CAPN11: variants seen among roughly 807,000 people sequenced by gnomAD.
CAPN11 encodes the protein calpain 11.
Under a neutral mutation model 105.3 loss-of-function variants are expected in CAPN11, and 108 were observed. The ratio of observed to expected loss-of-function variants is 1.03; its 90% CI spans 0.88 to 1.20. The LOEUF is 1.20. Among genes scored for constraint, CAPN11 ranks in the 50% most tolerant of loss-of-function variants. The pLI is 0.00. For missense variants in CAPN11, 883 were observed against 924.8 expected (o/e 0.95, Z 0.59); for synonymous variants, 329 against 344.5 (o/e 0.96, Z 0.50).
chr6:44,176,853 T>C lies in CAPN11; in HGVS notation c.1092T>C (p.Asp364=), dbSNP rs376140722. Residue 364 remains aspartate, a synonymous_variant, in exon 11 of 23, where the codon GAT becomes GAC. Coordinates refer to ENST00000398776, the MANE Select transcript of CAPN11 (RefSeq NM_007058.4). Reference sequence around the variant, plus strand: ...CCCACCACAGGATGTCCTACCAAGATTTCCTGAACAACTTCACGCTCCTGG... The same window carrying C: ...CCCACCACAGGATGTCCTACCAAGACTTCCTGAACAACTTCACGCTCCTGG... The part of the protein sequence containing the change: ...EDGEFWMSYQ[D]FLNNFTLLEI... 4.3e-6 allele frequency: 7 copies of C among 1,613,698 alleles called. No homozygotes were observed. The highest frequency in any genetic ancestry group is 1.3e-5 in the African/African-American group (1 of 74,874).
rs1190973925 is a variant in CAPN11 at position 44,170,809 on chromosome 6, C to T, written c.409+834C>T. On this transcript the variant is annotated intron_variant, in intron 4 of 22. Coordinates refer to ENST00000398776, the MANE Select transcript of CAPN11 (RefSeq NM_007058.4). ...GGAGGGCAACGGGGTCTACTCAGCC[C>T]ACTCTCACAGGGCTCCCATAGAAAG... is the stretch of plus-strand genomic sequence containing the variant. Among the ~76,000 whole-genome samples the T allele has an allele frequency of 3.9e-5, 6 of 152,258 alleles. No individual in the cohort carries two copies. In the East Asian group the frequency reaches 1.2e-3, roughly 29 times the overall value.
Position 44,176,916 on chromosome 6 carries a change from CT to C in CAPN11, c.1156del (p.Tyr386ThrfsTer63). The C allele has an allele frequency of 6.2e-7, 1 of 1,613,954 alleles. No individual in the cohort carries two copies. Among genetic ancestry groups the C allele is most frequent in the Non-Finnish European group, 8.5e-7 (1 of 1,179,884 alleles). On this transcript the variant is annotated frameshift_variant, in exon 11 of 23. Transcript: ENST00000398776. LOFTEE classifies it high-confidence loss of function. ...NLTPDTLSGD[Y>X]KSYWHTTFYE... ...TCACGCCTGATACACTCTCTGGGGA[CT>C]ACAAGAGCTACTGGCACACCACCTT...
At chr6:44,158,891 C>G in intron 1 of CAPN11, 27 bp downstream of exon 1, 1 of 1,542,526 alleles carries the variant, frequency 6.5e-7, no homozygotes, top group Non-Finnish European at 8.8e-7. Flanking sequence ...CCTTGCCCCA[C>G]TCCTGTACCT....
rs1561855217 is a variant in CAPN11, at chr6:44,182,054, TACAGACACAACCACACCACA to T, written c.1938+735_1938+754del. ...GACACAACCACACCACACACACACA[TACAGACACAACCACACCACA>T]CACACACACACATACACACTCACAT... On this transcript the variant is annotated intron_variant, in intron 19 of 22. Coordinates refer to ENST00000398776, the MANE Select transcript of CAPN11 (RefSeq NM_007058.4). 7.0e-3 allele frequency among the ~76,000 whole-genome samples: 25 copies of T among 3,586 alleles called. 8 individuals carry two copies. Among genetic ancestry groups the T allele is most frequent in the Admixed American group, 0.014 (4 of 288 alleles). The allele number at this position is 3,586 out of a possible 152,430, so 2.4% of individuals were successfully genotyped here.
chr6:44,168,165 A>G (rs1770296738), intron 2 of CAPN11, among the ~76,000 whole-genome samples: 2 of 152,314 alleles, frequency 1.3e-5, no homozygotes, highest in African/African-American at 4.8e-5. Context: ...TTAGCCATCA[A>G]CTTCTAATCT....
chr6:44,163,328 G>A (rs991741676), intron 1 of CAPN11, among the ~76,000 whole-genome samples: 1 of 152,182 alleles, frequency 6.6e-6, no homozygotes, highest in African/African-American at 2.4e-5. Flanking sequence ...CCCCCTGTCA[G>A]CTGCTCCACA....
rs549787142 is a variant in CAPN11 at position 44,174,862 on chromosome 6, C to T, written c.832-1206C>T. On this transcript the variant is annotated intron_variant, in intron 7 of 22. Coordinates refer to ENST00000398776, the MANE Select transcript of CAPN11 (RefSeq NM_007058.4). ...CTTGAACTCCTGACCTCAGGTGATCCGCCTGCCTTGGCCTCCCAAAGTGCT... is the reference window on the plus strand; with the variant it reads ...CTTGAACTCCTGACCTCAGGTGATCTGCCTGCCTTGGCCTCCCAAAGTGCT... 6.8e-4 allele frequency among the ~76,000 whole-genome samples: 103 copies of T among 152,166 alleles called. 1 individual carries two copies. Among genetic ancestry groups the T allele is most frequent in the African/African-American group, 1.9e-3 (78 of 41,512 alleles).
At chr6:44,174,702 A>G (rs2128305666) in intron 7 of CAPN11, among the ~76,000 whole-genome samples, 1 of 144,494 alleles carries the variant, frequency 6.9e-6, no homozygotes, top group South Asian at 2.2e-4. Flanking sequence ...TCACTGCAAC[A>G]TCCACCTCCT....
At chr6:44,181,506 ACACT>A (rs1307694253) in intron 19 of CAPN11, among the ~76,000 whole-genome samples, 186 bp downstream of exon 19, 7 of 142,592 alleles carry the variant, frequency 4.9e-5, no homozygotes, top group African/African-American at 1.3e-4. Context: ...ACACACACAC[ACACT>A]CACATACAGA....
chr6:44,177,526 T>G, intron 12 of CAPN11, 106 bp downstream of exon 12: 1 of 1,090,438 alleles, frequency 9.2e-7, no homozygotes, highest in Non-Finnish European at 1.3e-6. Context: ...CTCACTCTGT[T>G]GCCCAGGCTG....
At chr6:44,162,597 A>G (rs754140964) in intron 1 of CAPN11, among the ~76,000 whole-genome samples, 48 of 152,264 alleles carry the variant, frequency 3.2e-4, no homozygotes, top group African/African-American at 1.0e-3. Context: ...CAGAACCAGG[A>G]CGTCAAAGTG....
intron 9 of CAPN11, 89 bp downstream of exon 9, chr6:44,176,427 AC>A: frequency 7.5e-7 from 1 of 1,327,228 alleles, no homozygotes; most frequent in Non-Finnish European, 1.1e-6. Context: ...TAGGAGAACA[AC>A]CTGTACAACA....
At chr6:44,161,407 C>A (rs1486176486) in intron 1 of CAPN11, among the ~76,000 whole-genome samples, 1 of 152,184 alleles carries the variant, frequency 6.6e-6, no homozygotes, top group East Asian at 1.9e-4. Context: ...ACCATGTTGG[C>A]CAGGCGGGTC....
intron 5 of CAPN11, 76 bp from the exon 6 acceptor site, chr6:44,172,864 T>C: frequency 6.7e-7 from 1 of 1,490,204 alleles, no homozygotes; most frequent in Non-Finnish European, 9.1e-7. Context: ...GACACTGGCG[T>C]GTCATCAGGT....
Position 44,169,482 on chromosome 6 carries a change from TG to T in CAPN11, c.293del (p.Gly98AlafsTer19). 1 of 1,607,252 alleles carries T rather than the reference TG, an allele frequency of 6.2e-7. No individual in the cohort carries two copies. Among genetic ancestry groups the T allele is most frequent in the Non-Finnish European group, 8.5e-7 (1 of 1,177,024 alleles). ...AEPSSLGFKD[L>X]GPNSKNVQNI... ...CCCAGCTCACTGGGCTTCAAGGACCTGGGCCCCAACTCCAAAAATGTGCAGA... is the reference window on the plus strand; with the variant it reads ...CCCAGCTCACTGGGCTTCAAGGACCTGGCCCCAACTCCAAAAATGTGCAGA... On this transcript the variant is annotated frameshift_variant, in exon 3 of 23. Coordinates refer to ENST00000398776, the MANE Select transcript of CAPN11 (RefSeq NM_007058.4). LOFTEE classifies it high-confidence loss of function.
chr6:44,180,882 C>T (rs1212882165), intron 17 of CAPN11, 51 bp from the exon 18 acceptor site: 38 of 1,603,430 alleles, frequency 2.4e-5, no homozygotes, highest in East Asian at 2.0e-4. Flanking sequence ...AGTGCCCCCA[C>T]GATACCTCAT....
rs985224537 is a variant in CAPN11 at position 44,180,269 on chromosome 6, C to T, written c.1640+106C>T. 13 of 964,638 alleles carry T rather than the reference C, an allele frequency of 1.3e-5. No homozygotes were observed. The East Asian group carries it at 3.4e-4, about 25-fold the overall frequency. 59.8% of individuals were successfully genotyped at this position (964,638 alleles called of 1,614,324 possible). On this transcript the variant is annotated intron_variant, in intron 14 of 22. Transcript: ENST00000398776. ...CCTCCCTCACTTTGTCCCTATTTTA[C>T]AGTCAGGGAAACTGAGGCATGAGAA...
At position 44,180,765 on chromosome 6, in the gene CAPN11, G is replaced by A. The variant is rs531475093; in HGVS notation, c.1764G>A (p.Val588=). The change falls in exon 17 of 23, where the codon GTG becomes GTA. Residue 588 remains valine (V), a synonymous_variant. Coordinates refer to ENST00000398776, the MANE Select transcript of CAPN11 (RefSeq NM_007058.4). The part of the protein sequence containing the change: ...IVAGEGKEIG[V]YELQRLLNRM... Reference sequence around the variant, plus strand: ...CTTCCTAGGGCAAGGAGATAGGGGTGTATGAGCTCCAGAGGCTGCTCAACA... The same window carrying A: ...CTTCCTAGGGCAAGGAGATAGGGGTATATGAGCTCCAGAGGCTGCTCAACA... 5.6e-6 allele frequency: 9 copies of A among 1,613,710 alleles called. No homozygotes were observed. In the Admixed American group the frequency reaches 6.7e-5, roughly 12 times the overall value.
intron 4 of CAPN11, 42 bp from the exon 5 acceptor site, chr6:44,172,260 T>C (rs905463740): frequency 7.4e-7 from 1 of 1,357,844 alleles, no homozygotes; most frequent in African/African-American, 1.4e-5. Flanking sequence ...CCCACACATA[T>C]GGGGTTGCTC....
Sources: allele counts gnomAD v4.1 joint callset (sites outside exome capture counted in the v4.1 genomes callset), GRCh38; gene constraint gnomAD v4.1.1; transcripts MANE v1.5; gene names NCBI Gene and HGNC (gene_info 2026-07-23, HGNC 2026-07-21).